Variants in NFX1 observed in about 807,000 individuals in gnomAD.
The protein encoded by NFX1 is transcriptional repressor NF-X1.
In NFX1, 69 loss-of-function variants were observed where a neutral mutation model predicts 137.2. The observed-to-expected ratio is 0.50, with a 90% confidence interval of 0.41 to 0.61. The LOEUF (loss-of-function observed/expected upper bound fraction) is 0.61, where lower values mean the gene tolerates loss of function less well. Ranked by LOEUF, NFX1 falls within the 20% of genes least tolerant of loss-of-function variation. The probability of loss-of-function intolerance (pLI) is 0.00; values close to 1 mark genes in which losing one functional copy is unlikely to be tolerated. For missense variants in NFX1, 1,167 were observed against 1,391.0 expected, an observed-to-expected ratio of 0.84 and a Z score of 2.56; for synonymous variants, 495 against 474.1, an observed-to-expected ratio of 1.04 and a Z score of -0.57.
At position 33,349,157 on chromosome 9, in the gene NFX1, G is replaced by A. The variant is rs569445819; in HGVS notation, c.2424+2040G>A. On this transcript the variant is annotated intron_variant, in intron 15 of 23. Transcript: ENST00000379540. ...ACTTCATTCAACAGATATCGAGTATGAGTACCTACTATGTGCTAGGTAACA... is the reference window on the plus strand; with the variant it reads ...ACTTCATTCAACAGATATCGAGTATAAGTACCTACTATGTGCTAGGTAACA... Among the ~76,000 whole-genome samples, 3 of 152,312 alleles carry A rather than the reference G, an allele frequency of 2.0e-5. 1 individual carries two copies. The highest frequency in any genetic ancestry group is 7.2e-5 in the African/African-American group (3 of 41,578).
intron 9 of NFX1, among the ~76,000 whole-genome samples, chr9:33,323,850 T>G (rs933425232): frequency 2.6e-5 from 4 of 152,094 alleles, no homozygotes; most frequent in Non-Finnish European, 5.9e-5. Context: ...GTGAAGATGA[T>G]GTCTTATCAA....
intron 4 of NFX1, among the ~76,000 whole-genome samples, chr9:33,303,686 A>G (rs764114130): frequency 5.3e-5 from 8 of 152,158 alleles, no homozygotes; most frequent in South Asian, 2.1e-4. Context: ...TTTTTTATAA[A>G]CCAGCATTAT....
Position 33,351,779 on chromosome 9 carries a change from T to C in NFX1, c.2644T>C (p.Cys882Arg). Residue 882 changes from cysteine to arginine, a missense_variant, in exon 16 of 24, where the codon TGT becomes CGT. Cys to Arg is a radical substitution (Grantham distance 180). This residue lies in a region of NFX1 where 312 missense variants were observed against 312.8 expected (regional missense o/e 1.00). Coordinates refer to ENST00000379540, the MANE Select transcript of NFX1 (RefSeq NM_002504.6). ...HTSSPCPVTA[C>R]KAKVELQCEC... ...CAGCTCACCCTGCCCTGTGACTGCT[T>C]GTAAAGCTAAGGTGGGTATTTCTGG... 1 of 1,585,102 alleles carries C rather than the reference T, an allele frequency of 6.3e-7. No homozygotes were observed. The highest frequency in any genetic ancestry group is 1.2e-5 in the South Asian group (1 of 85,556).
rs2118578249 is a variant in NFX1 at position 33,342,778 on chromosome 9, G to A, written c.2148G>A (p.Gly716=). 6.2e-7 allele frequency: 1 copy of A among 1,613,700 alleles called. No individual in the cohort carries two copies. ...DKEHKCPLIC[G]RKLRCGLHRC... ...AGCACAAGTGTCCTTTGATTTGTGG[G>A]AGGAAACTCCGTTGTGGCCTTCATA... Residue 716 remains glycine (G), a synonymous_variant, in exon 13 of 24, where the codon GGG becomes GGA. Coordinates refer to ENST00000379540, the MANE Select transcript of NFX1 (RefSeq NM_002504.6).
chr9:33,322,684 A>G (rs897958139), intron 9 of NFX1, among the ~76,000 whole-genome samples: 3 of 152,166 alleles, frequency 2.0e-5, no homozygotes, highest in Non-Finnish European at 4.4e-5. Flanking sequence ...AGAGGCTACT[A>G]TCCCACCCAG....
chr9:33,331,914 C>T (rs1363892551), intron 10 of NFX1, among the ~76,000 whole-genome samples: 3 of 152,120 alleles, frequency 2.0e-5, no homozygotes, highest in African/African-American at 7.2e-5. Context: ...AGCAAAATTA[C>T]GTGATAGACC....
intron 19 of NFX1, among the ~76,000 whole-genome samples, chr9:33,361,161 G>T (rs902380948): frequency 1.3e-5 from 2 of 152,064 alleles, no homozygotes; most frequent in Non-Finnish European, 2.9e-5. Flanking sequence ...AACTGTTAAA[G>T]AAACCTAAAT....
intron 1 of NFX1, among the ~76,000 whole-genome samples, 185 bp downstream of exon 1, chr9:33,290,782 A>G (rs763579424): frequency 1.3e-5 from 2 of 152,202 alleles, no homozygotes; most frequent in Non-Finnish European, 2.9e-5. Flanking sequence ...CTTGGACTAG[A>G]TGGTGAAGCC....
chr9:33,367,847 G>T (rs762505412), intron 23 of NFX1, among the ~76,000 whole-genome samples: 6 of 152,218 alleles, frequency 3.9e-5, no homozygotes, highest in Admixed American at 2.0e-4. Context: ...GCAGTCACTG[G>T]ACATAATTTC....
chr9:33,357,641 C>G (rs1317004040), intron 19 of NFX1, among the ~76,000 whole-genome samples: 2 of 151,938 alleles, frequency 1.3e-5, no homozygotes, highest in African/African-American at 2.4e-5. Flanking sequence ...AAGGGATCCT[C>G]GTGCCTCAGC....
In NFX1 at chr9:33,364,108, G is replaced by C; in HGVS notation, c.2972G>C (p.Arg991Thr). Reference sequence around the variant, plus strand: ...AGTGATAGTTTGAAAGAAGATGCCAGGTATGTAACTTGTTACCTGCTTTCT... The same window carrying C: ...AGTGATAGTTTGAAAGAAGATGCCACGTATGTAACTTGTTACCTGCTTTCT... ...KFSDSLKEDA[R>T]KDLKFVSDVE... Residue 991 changes from arginine to threonine, a missense_variant and splice_region_variant, in exon 20 of 24, where the codon AGG becomes ACG. By Grantham distance (71) the Arg-to-Thr change is moderately conservative. Around this residue, in one of 3 missense-constraint regions of NFX1, gnomAD observed 312 missense variants for 312.8 expected, o/e 1.00. Coordinates refer to ENST00000379540, the MANE Select transcript of NFX1 (RefSeq NM_002504.6). The C allele has an allele frequency of 6.3e-7, 1 of 1,596,082 alleles. No individual in the cohort carries two copies.
At position 33,307,203 on chromosome 9, in the gene NFX1, A is replaced by T. The variant is rs1821784686; in HGVS notation, c.1280A>T (p.Lys427Met). The T allele has an allele frequency of 6.2e-7, 1 of 1,613,986 alleles. No individual in the cohort carries two copies. The highest frequency in any genetic ancestry group is 1.7e-5 in the Admixed American group (1 of 59,998). ...NTYTCFCGKV[K>M]NPEWSRNEIP... The stretch of plus-strand genomic sequence containing the variant: ...ATCTGATATGTTCTAGGCAAGGTAA[A>T]GAATCCTGAGTGGAGCAGAAATGAA... The change falls in exon 5 of 24, where the codon AAG becomes ATG. Residue 427 changes from lysine (K) to methionine (M), a missense_variant. Coordinates refer to ENST00000379540, the MANE Select transcript of NFX1 (RefSeq NM_002504.6).
intron 21 of NFX1, among the ~76,000 whole-genome samples, chr9:33,366,413 G>A (rs557120121): frequency 1.3e-5 from 2 of 152,190 alleles, no homozygotes; most frequent in East Asian, 1.9e-4. Flanking sequence ...GTCCAGCTGC[G>A]ACTGTTGTGG....
At position 33,364,766 on chromosome 9, in the gene NFX1, G is replaced by T. The variant is rs557858209; in HGVS notation, c.3031G>T (p.Val1011Leu). ...EKEMETLVEA[V>L]NKGKNSKKSH... is the part of the protein sequence containing the mutation. ...GGAAATGGAAACCCTCGTGGAGGCC[G>T]TGAATAAGGTTGAAGTCGAAACATC... The change falls in exon 21 of 24, where the codon GTG (valine) becomes TTG (leucine). Residue 1011 changes from valine to leucine, a missense_variant. Around this residue, in one of 3 missense-constraint regions of NFX1, gnomAD observed 312 missense variants for 312.8 expected, o/e 1.00. Transcript: ENST00000379540. 1.5e-5 allele frequency: 25 copies of T among 1,613,658 alleles called. No homozygotes were observed. In the East Asian group the frequency reaches 4.5e-4, roughly 29 times the overall value.
At chr9:33,327,178 T>C (rs985533957) in intron 9 of NFX1, among the ~76,000 whole-genome samples, 1 of 152,086 alleles carries the variant, frequency 6.6e-6, no homozygotes, top group Non-Finnish European at 1.5e-5. Flanking sequence ...AAAGCAGATA[T>C]TTTTGAGTTT....
chr9:33,349,549 T>C (rs1823559266), intron 15 of NFX1, among the ~76,000 whole-genome samples: 1 of 152,162 alleles, frequency 6.6e-6, no homozygotes, highest in Non-Finnish European at 1.5e-5. Flanking sequence ...GGAGAAGTTG[T>C]GTGTCACTGC....
chr9:33,367,928 G>A (rs1408438158), intron 23 of NFX1, among the ~76,000 whole-genome samples: 1 of 152,152 alleles, frequency 6.6e-6, no homozygotes, highest in Non-Finnish European at 1.5e-5. Flanking sequence ...CTGAAACATC[G>A]TGTAGTTAGG....
At chr9:33,353,683 CTTTTTT>C (rs111306917) in intron 17 of NFX1, among the ~76,000 whole-genome samples, 38 of 110,096 alleles carry the variant, frequency 3.5e-4, no homozygotes, top group Non-Finnish European at 5.8e-4. Context: ...GATAGATTTG[CTTTTTT>C]TTTTTTTTTT....
intron 7 of NFX1, among the ~76,000 whole-genome samples, chr9:33,317,284 TG>T (rs1564115214): frequency 6.6e-6 from 1 of 151,632 alleles, no homozygotes; most frequent in Non-Finnish European, 1.5e-5. Context: ...CCAGGTGTAG[TG>T]GCACGCACCT....
Sources: gnomAD v4.1 joint callset for allele counts (sites outside exome capture counted in the v4.1 genomes callset) on GRCh38, gnomAD v4.1.1 for gene constraint, gnomAD v4.1.1 regional missense constraint, MANE v1.5 for transcripts, NCBI Gene and HGNC (gene_info 2026-07-23, HGNC 2026-07-21) for gene names.